EPHA6: variants seen among roughly 807,000 people sequenced by gnomAD.
EPHA6 encodes ephrin type-A receptor 6.
A neutral mutation model predicts 112.0 loss-of-function variants in EPHA6; 50 were observed. The observed-to-expected ratio is 0.45, with a 90% CI of 0.36 to 0.56. The LOEUF is 0.56. Ranked by LOEUF, EPHA6 falls within the 20% of genes least tolerant of loss-of-function variation. The pLI is 0.00. For missense variants in EPHA6, 1,280 were observed against 1,417.4 expected, an observed-to-expected ratio of 0.90 and a Z score of 1.56; for synonymous variants, 529 against 490.7, an observed-to-expected ratio of 1.08 and a Z score of -1.03.
chr3:97,427,340 C>T (rs2089207946), intron 6 of EPHA6, among the ~76,000 whole-genome samples: 2 of 152,122 alleles, frequency 1.3e-5, no homozygotes, highest in Non-Finnish European at 2.9e-5. Flanking sequence ...ACATATACAC[C>T]ATGGAATACC....
chr3:97,109,058 T>G lies in EPHA6; in HGVS notation c.1115-117206T>G, dbSNP rs1321364825. Among the ~76,000 whole-genome samples the G allele has an allele frequency of 5.3e-5, 8 of 152,130 alleles. 1 individual carries two copies. Among genetic ancestry groups the G allele is most frequent in the Admixed American group, 1.3e-4 (2 of 15,264 alleles). ...TATTCTATTGCACTTGCAACAATCT[T>G]TTGATGTTATTGATTTCTTGCCAAG... On this transcript the variant is annotated intron_variant, in intron 3 of 17. Coordinates refer to ENST00000389672, the MANE Select transcript of EPHA6 (RefSeq NM_001080448.3).
At chr3:97,320,708 G>T (rs1299298610) in intron 5 of EPHA6, among the ~76,000 whole-genome samples, 2 of 150,892 alleles carry the variant, frequency 1.3e-5, no homozygotes, top group African/African-American at 4.9e-5. Context: ...GCAGAGAAAT[G>T]ACACTCCTTT....
At chr3:97,262,172 A>G (rs1330880196) in intron 5 of EPHA6, among the ~76,000 whole-genome samples, 1 of 152,184 alleles carries the variant, frequency 6.6e-6, no homozygotes. Flanking sequence ...TTTATGGACT[A>G]CAGGTGGCTT....
chr3:97,602,151 C>T (rs1340445694), intron 12 of EPHA6, among the ~76,000 whole-genome samples: 5 of 151,942 alleles, frequency 3.3e-5, no homozygotes, highest in African/African-American at 9.7e-5. Flanking sequence ...ATTTCAACTG[C>T]TAAGCCTTGT....
chr3:97,640,631 T>C (rs1007455528), intron 14 of EPHA6, among the ~76,000 whole-genome samples: 1 of 149,564 alleles, frequency 6.7e-6, no homozygotes, highest in East Asian at 2.0e-4. Flanking sequence ...AAAAAAAAAA[T>C]TAGCCAGGCG....
intron 2 of EPHA6, among the ~76,000 whole-genome samples, chr3:96,939,180 G>A (rs1385425813): frequency 6.6e-6 from 1 of 152,180 alleles, no homozygotes; most frequent in Non-Finnish European, 1.5e-5. Flanking sequence ...CAGAAGGAAT[G>A]GTACCAGCTC....
chr3:97,592,778 A>G, intron 12 of EPHA6, 41 bp downstream of exon 12: 2 of 1,526,354 alleles, frequency 1.3e-6, no homozygotes, highest in Non-Finnish European at 1.8e-6. Context: ...CATATACAGC[A>G]GTAGGATTGT....
intron 2 of EPHA6, among the ~76,000 whole-genome samples, chr3:96,900,576 G>A (rs1213616765): frequency 6.6e-6 from 1 of 152,208 alleles, no homozygotes; most frequent in Non-Finnish European, 1.5e-5. Context: ...AGGCAACAGA[G>A]GGAGCTTTTG....
At chr3:97,595,285 T>C (rs2093577906) in intron 12 of EPHA6, among the ~76,000 whole-genome samples, 1 of 152,178 alleles carries the variant, frequency 6.6e-6, no homozygotes, top group South Asian at 2.1e-4. Context: ...TAGCTGAAAA[T>C]TGAATAGCAA....
intron 3 of EPHA6, among the ~76,000 whole-genome samples, chr3:97,023,541 A>G (rs137899223): frequency 7.4e-4 from 112 of 152,048 alleles, no homozygotes; most frequent in African/African-American, 2.5e-3. Flanking sequence ...TTTTGCTACT[A>G]TATATATTTA....
At chr3:96,843,343 A>G (rs2034865679) in intron 1 of EPHA6, among the ~76,000 whole-genome samples, 1 of 152,048 alleles carries the variant, frequency 6.6e-6, no homozygotes, top group Non-Finnish European at 1.5e-5. Context: ...AATTAATGAA[A>G]TTATTTTGGG....
At chr3:97,670,065 TA>T (rs1184957808) in intron 14 of EPHA6, among the ~76,000 whole-genome samples, 2 of 152,164 alleles carry the variant, frequency 1.3e-5, no homozygotes, top group African/African-American at 4.8e-5. Context: ...ATACCCCACC[TA>T]AAAAAATTAT....
At chr3:97,142,742 C>T (rs1347645970) in intron 3 of EPHA6, among the ~76,000 whole-genome samples, 3 of 151,752 alleles carry the variant, frequency 2.0e-5, no homozygotes, top group Non-Finnish European at 4.4e-5. Flanking sequence ...GACTATCTAT[C>T]TCAATAGACA....
At chr3:97,716,704 C>T (rs563349280) in intron 14 of EPHA6, among the ~76,000 whole-genome samples, 13 of 151,636 alleles carry the variant, frequency 8.6e-5, no homozygotes, top group Non-Finnish European at 1.8e-4. Context: ...TAGATATAAA[C>T]TGTATCCCGT....
chr3:96,939,697 G>C (rs1364971335), intron 2 of EPHA6, among the ~76,000 whole-genome samples: 1 of 152,110 alleles, frequency 6.6e-6, no homozygotes, highest in Non-Finnish European at 1.5e-5. Context: ...TGTGATGTTA[G>C]GGTGTCAATT....
intron 5 of EPHA6, among the ~76,000 whole-genome samples, chr3:97,319,827 A>C (rs2082023691): frequency 6.6e-6 from 1 of 151,988 alleles, no homozygotes; most frequent in African/African-American, 2.4e-5. Flanking sequence ...TTTTAGGTAA[A>C]ATTAATGACA....
intron 5 of EPHA6, among the ~76,000 whole-genome samples, chr3:97,368,933 A>G (rs749815422): frequency 6.6e-6 from 1 of 152,196 alleles, no homozygotes. Context: ...CCTGGTTGCT[A>G]TGACATATAG....
At chr3:96,979,640 T>C (rs2042676502) in intron 2 of EPHA6, among the ~76,000 whole-genome samples, 2 of 152,198 alleles carry the variant, frequency 1.3e-5, no homozygotes, top group African/African-American at 4.8e-5. Flanking sequence ...TCTTCCACAA[T>C]GGTTGAACTA....
chr3:96,951,557 A>G (rs2041535175), intron 2 of EPHA6, among the ~76,000 whole-genome samples: 1 of 152,072 alleles, frequency 6.6e-6, no homozygotes, highest in Non-Finnish European at 1.5e-5. Flanking sequence ...CTAGTATCTT[A>G]TTTTATAGTT....
Sources: gnomAD v4.1 joint callset for allele counts (sites outside exome capture counted in the v4.1 genomes callset) on GRCh38, gnomAD v4.1.1 for gene constraint, MANE v1.5 for transcripts, NCBI Gene and HGNC (gene_info 2026-07-23, HGNC 2026-07-21) for gene names.